The following MACROD2 variants were observed in gnomAD, a reference collection of about 807,000 sequenced individuals.
MACROD2 encodes mono-ADP ribosylhydrolase 2, also known as ADP-ribose glycohydrolase MACROD2.
In MACROD2, 36 loss-of-function variants were observed where a neutral mutation model predicts 70.4. The observed-to-expected ratio is 0.51, with a 90% CI of 0.39 to 0.68. The LOEUF is 0.68. Ranked by LOEUF, MACROD2 falls within the 30% of genes least tolerant of loss-of-function variation. The pLI, the probability that MACROD2 is intolerant of heterozygous loss-of-function variation, is 0.00. For synonymous variants in MACROD2, 172 were observed against 178.8 expected (o/e 0.96, Z 0.30); for missense variants, 496 against 538.4 (o/e 0.92, Z 0.78).
rs540337274 is a variant in MACROD2, at chr20:14,209,155, G to A, written c.271+123427G>A. ...CATTATAACCTCAGTAAAGAATGCT[G>A]TGTGCCACAATTGGCCTGGGCTTCC... On this transcript the variant is annotated intron_variant, in intron 3 of 17. Coordinates refer to ENST00000684519, the MANE Select transcript of MACROD2 (RefSeq NM_001351661.2). Among the ~76,000 whole-genome samples, 6 of 152,322 alleles carry A rather than the reference G, an allele frequency of 3.9e-5. No individual in the cohort carries two copies. The South Asian group carries it at 1.2e-3, about 32-fold the overall frequency.
At chr20:14,557,487 T>A (rs1044556972) in intron 4 of MACROD2, among the ~76,000 whole-genome samples, 1 of 151,902 alleles carries the variant, frequency 6.6e-6, no homozygotes. Context: ...GATAAGAAAC[T>A]TGTATCCAAA....
intron 8 of MACROD2, among the ~76,000 whole-genome samples, chr20:15,842,753 G>GATAGATAA (rs33937643): frequency 1.5e-4 from 21 of 140,856 alleles, no homozygotes; most frequent in African/African-American, 4.6e-4. Context: ...TAGAGAAATA[G>GATAGATAA]ACAGACAAAT....
At chr20:15,036,038 G>A (rs1023533689) in intron 5 of MACROD2, among the ~76,000 whole-genome samples, 1 of 152,226 alleles carries the variant, frequency 6.6e-6, no homozygotes, top group South Asian at 2.1e-4. Flanking sequence ...CAGAAATGAA[G>A]GGAAATAAAG....
intron 5 of MACROD2, among the ~76,000 whole-genome samples, chr20:15,156,500 C>T (rs1180449961): frequency 6.6e-6 from 1 of 152,088 alleles, no homozygotes; most frequent in Admixed American, 6.6e-5. Flanking sequence ...TATCATGTAT[C>T]CCCTTGACTC....
intron 6 of MACROD2, among the ~76,000 whole-genome samples, chr20:15,417,468 C>T (rs982475008): frequency 3.3e-5 from 5 of 151,152 alleles, no homozygotes; most frequent in African/African-American, 4.9e-5. Flanking sequence ...TATGCTGGTG[C>T]GTGCCTGTAG....
At chr20:15,346,797 G>A (rs1451002802) in intron 6 of MACROD2, among the ~76,000 whole-genome samples, 1 of 152,204 alleles carries the variant, frequency 6.6e-6, no homozygotes, top group Non-Finnish European at 1.5e-5. Context: ...ACTGTCCTAA[G>A]CTTTAGTTCC....
chr20:15,473,792 C>T (rs1224769970), intron 7 of MACROD2, among the ~76,000 whole-genome samples: 1 of 152,208 alleles, frequency 6.6e-6, no homozygotes, highest in African/African-American at 2.4e-5. Flanking sequence ...GTTTGCTTTT[C>T]TCTTCACAAG....
intron 4 of MACROD2, among the ~76,000 whole-genome samples, chr20:14,635,999 T>G (rs1323625868): frequency 4.6e-5 from 7 of 152,168 alleles, no homozygotes; most frequent in Non-Finnish European, 8.8e-5. Context: ...AAAAGTGGAA[T>G]TTGATTTATT....
At chr20:14,388,864 G>C (rs886895868) in intron 3 of MACROD2, among the ~76,000 whole-genome samples, 5 of 151,926 alleles carry the variant, frequency 3.3e-5, no homozygotes, top group South Asian at 2.1e-4. Context: ...CTGAGACACA[G>C]AGAGAGAGAG....
At chr20:15,969,422 A>T (rs752147142) in intron 13 of MACROD2, among the ~76,000 whole-genome samples, 31 of 152,194 alleles carry the variant, frequency 2.0e-4, no homozygotes, top group Admixed American at 5.9e-4. Context: ...AAAGTATTAG[A>T]TAAATATGTT....
At chr20:15,151,599 G>A (rs950400100) in intron 5 of MACROD2, among the ~76,000 whole-genome samples, 4 of 152,010 alleles carry the variant, frequency 2.6e-5, no homozygotes, top group Non-Finnish European at 4.4e-5. Flanking sequence ...TCACCTTTTA[G>A]GGTCTAGGGC....
chr20:15,849,632 G>A (rs1168217701), intron 8 of MACROD2, among the ~76,000 whole-genome samples: 1 of 152,164 alleles, frequency 6.6e-6, no homozygotes, highest in Non-Finnish European at 1.5e-5. Flanking sequence ...AACCTCATAA[G>A]CAGCAATGAA....
Position 15,222,258 on chromosome 20 carries a change from A to T in MACROD2, c.419-7682A>T, listed in dbSNP as rs192544138. 3.9e-5 allele frequency among the ~76,000 whole-genome samples: 6 copies of T among 152,324 alleles called. No homozygotes were observed. The East Asian group carries it at 1.2e-3, about 29-fold the overall frequency. ...GGTGTGTTGAAGTACATTTTCAATG[A>T]TATCTTCGGCAGATTGAAAAGGAAC... On this transcript the variant is annotated intron_variant, in intron 5 of 17. Transcript: ENST00000684519.
intron 3 of MACROD2, among the ~76,000 whole-genome samples, chr20:14,465,212 G>T (rs997951251): frequency 5.3e-5 from 8 of 151,918 alleles, no homozygotes; most frequent in African/African-American, 1.9e-4. Flanking sequence ...TATGAATCTG[G>T]GTGCTCCTGT....
intron 4 of MACROD2, among the ~76,000 whole-genome samples, chr20:14,499,248 C>T (rs536848982): frequency 1.3e-5 from 2 of 152,210 alleles, no homozygotes; most frequent in South Asian, 2.1e-4. Flanking sequence ...TTAACTGCCT[C>T]GGCCAGGCAC....
intron 3 of MACROD2, among the ~76,000 whole-genome samples, chr20:14,339,766 C>CT (rs1295883154): frequency 1.3e-5 from 2 of 152,026 alleles, no homozygotes; most frequent in Admixed American, 6.6e-5. Flanking sequence ...TTTTTTGTTG[C>CT]TTTTTTTCCC....
chr20:14,446,481 T>C (rs1003813621), intron 3 of MACROD2, among the ~76,000 whole-genome samples: 1 of 152,086 alleles, frequency 6.6e-6, no homozygotes, highest in Non-Finnish European at 1.5e-5. Context: ...TTTTCCCTTA[T>C]TATATTGCTT....
intron 8 of MACROD2, among the ~76,000 whole-genome samples, chr20:15,751,533 CTA>C (rs1251493671): frequency 6.6e-6 from 1 of 151,960 alleles, no homozygotes; most frequent in Non-Finnish European, 1.5e-5. Flanking sequence ...TCTATGAAAG[CTA>C]TGTTTTCTTG....
intron 8 of MACROD2, among the ~76,000 whole-genome samples, chr20:15,843,557 C>T (rs1056659160): frequency 6.6e-6 from 1 of 152,082 alleles, no homozygotes; most frequent in African/African-American, 2.4e-5. Flanking sequence ...GTCTTGTGGA[C>T]CAAACTAACT....
Sources: allele counts gnomAD v4.1 joint callset (sites outside exome capture counted in the v4.1 genomes callset), GRCh38; gene constraint gnomAD v4.1.1; transcripts MANE v1.5; gene names NCBI Gene and HGNC (gene_info 2026-07-23, HGNC 2026-07-21).